EYA4: variants seen among roughly 807,000 people sequenced by gnomAD.
EYA4 encodes the protein protein phosphatase EYA4.
Under a neutral mutation model 87.9 loss-of-function variants are expected in EYA4, and 31 were observed. The ratio of observed to expected loss-of-function variants is 0.35; its 90% CI spans 0.27 to 0.48. The LOEUF is 0.48. Among genes scored for constraint, EYA4 ranks in the 20% least tolerant of loss-of-function variants. The pLI is 0.99. For missense variants in EYA4, 678 were observed against 761.4 expected (o/e 0.89, Z 1.29); for synonymous variants, 263 against 270.6 (o/e 0.97, Z 0.28).
intron 3 of EYA4, among the ~76,000 whole-genome samples, chr6:133,396,023 T>C (rs2128504745): frequency 6.6e-6 from 1 of 152,328 alleles, no homozygotes; most frequent in South Asian, 2.1e-4. Context: ...CCCCCTTCTT[T>C]TCTCCCTTCC....
chr6:133,504,837 G>A (rs1234207795), intron 13 of EYA4, among the ~76,000 whole-genome samples: 1 of 152,140 alleles, frequency 6.6e-6, no homozygotes, highest in Non-Finnish European at 1.5e-5. Flanking sequence ...AGTAAAGTTT[G>A]CATTACATTT....
intron 3 of EYA4, among the ~76,000 whole-genome samples, chr6:133,420,175 A>G (rs571724565): frequency 1.3e-5 from 2 of 152,254 alleles, no homozygotes; most frequent in African/African-American, 4.8e-5. Context: ...GAAATTTCCC[A>G]TTATTAAGAG....
intron 3 of EYA4, among the ~76,000 whole-genome samples, chr6:133,423,003 T>G (rs781673905): frequency 6.6e-6 from 1 of 152,162 alleles, no homozygotes; most frequent in African/African-American, 2.4e-5. Flanking sequence ...AGAGATGTGT[T>G]TTCAGATGGC....
intron 2 of EYA4, among the ~76,000 whole-genome samples, chr6:133,332,174 G>A (rs1782016612): frequency 6.6e-6 from 1 of 152,178 alleles, no homozygotes; most frequent in South Asian, 2.1e-4. Flanking sequence ...TGCCTGAATG[G>A]AAGATGGCCA....
intron 2 of EYA4, among the ~76,000 whole-genome samples, chr6:133,318,535 G>A (rs935511276): frequency 1.3e-5 from 2 of 151,930 alleles, no homozygotes; most frequent in East Asian, 3.9e-4. Context: ...GATAAAACTT[G>A]AGGTTGGTTT....
At chr6:133,269,077 G>T (rs1776468636) in intron 1 of EYA4, among the ~76,000 whole-genome samples, 1 of 152,094 alleles carries the variant, frequency 6.6e-6, no homozygotes, top group Non-Finnish European at 1.5e-5. Flanking sequence ...TGGCCAACAT[G>T]GTGAGACCCT....
intron 13 of EYA4, among the ~76,000 whole-genome samples, chr6:133,484,483 TA>T (rs1796520614): frequency 6.6e-6 from 1 of 152,248 alleles, no homozygotes; most frequent in Admixed American, 6.5e-5. Context: ...TGGATATTTC[TA>T]AACAGATGTG....
chr6:133,482,656 A>C (rs1796316263), intron 12 of EYA4, among the ~76,000 whole-genome samples: 1 of 152,184 alleles, frequency 6.6e-6, no homozygotes, highest in Non-Finnish European at 1.5e-5. Context: ...ATTTCTTTAA[A>C]ATCTAATTCT....
intron 2 of EYA4, among the ~76,000 whole-genome samples, chr6:133,381,011 C>G (rs1786157810): frequency 6.7e-6 from 1 of 149,766 alleles, no homozygotes; most frequent in African/African-American, 2.5e-5. Context: ...TTCCTCATCC[C>G]CTCCTCCTTC....
chr6:133,404,820 C>T (rs1788562625), intron 3 of EYA4, among the ~76,000 whole-genome samples: 1 of 152,198 alleles, frequency 6.6e-6, no homozygotes, highest in Non-Finnish European at 1.5e-5. Context: ...AAGTGGATTG[C>T]TTGTATCCAG....
chr6:133,498,640 G>A (rs1797837433), intron 13 of EYA4, among the ~76,000 whole-genome samples: 2 of 152,148 alleles, frequency 1.3e-5, no homozygotes, highest in South Asian at 4.1e-4. Flanking sequence ...TAAAAGGAAT[G>A]ATTACAGAAT....
At chr6:133,494,632 G>A (rs1185658502) in intron 13 of EYA4, among the ~76,000 whole-genome samples, 2 of 150,464 alleles carry the variant, frequency 1.3e-5, no homozygotes, top group Admixed American at 6.6e-5. Flanking sequence ...GAGGCCAGGA[G>A]TTGGAGATTA....
chr6:133,343,340 G>T (rs892249460), intron 2 of EYA4, among the ~76,000 whole-genome samples: 48 of 152,198 alleles, frequency 3.2e-4, no homozygotes, highest in Middle Eastern at 3.4e-3. Flanking sequence ...TTACTCATTT[G>T]TTCACACTTT....
intron 3 of EYA4, among the ~76,000 whole-genome samples, chr6:133,440,725 A>G (rs1792191636): frequency 6.6e-6 from 1 of 152,214 alleles, no homozygotes; most frequent in Non-Finnish European, 1.5e-5. Flanking sequence ...CAATAGTACA[A>G]TAATCATTTC....
intron 2 of EYA4, among the ~76,000 whole-genome samples, chr6:133,276,616 C>A (rs1203360056): frequency 1.3e-5 from 2 of 152,108 alleles, no homozygotes; most frequent in Admixed American, 6.6e-5. Context: ...TGCTAGTGAG[C>A]AGTCAGGTTT....
intron 11 of EYA4, among the ~76,000 whole-genome samples, chr6:133,470,009 G>A (rs1319272249): frequency 6.6e-6 from 1 of 150,812 alleles, no homozygotes; most frequent in African/African-American, 2.4e-5. Context: ...CAGATGAGTA[G>A]GTTGCAAAAA....
At chr6:133,506,398 A>G in intron 14 of EYA4, 1 of 476,782 alleles carries the variant, frequency 2.1e-6, no homozygotes, top group Non-Finnish European at 3.8e-6. Context: ...TATGTAGAAC[A>G]AAAATGTCTC....
At position 133,241,572 on chromosome 6, in the gene EYA4, G is replaced by C. The variant is rs1773942811; in HGVS notation, c.-243G>C. 1 of 151,380 alleles carries C rather than the reference G, an allele frequency of 6.6e-6. No individual in the cohort carries two copies. The highest frequency in any genetic ancestry group is 1.5e-5 in the Non-Finnish European group (1 of 68,022). The allele number at this position is 151,380 out of a possible 1,614,324, so 9.4% of individuals were successfully genotyped here. ...TCTCCCTCCGCCCCGCTTCTCCCCC[G>C]CTTGTGTACGCTATTTGTTGTGGGG... On this transcript the variant is annotated 5_prime_UTR_variant, in exon 1 of 20. Transcript: ENST00000355286.
intron 1 of EYA4, chr6:133,247,407 T>C (rs1431560462): frequency 6.6e-6 from 1 of 152,228 alleles, no homozygotes; most frequent in Non-Finnish European, 1.5e-5. Context: ...TTGTTTTTTG[T>C]TGTTTTAATG....
Sources: gnomAD v4.1 joint callset for allele counts (sites outside exome capture counted in the v4.1 genomes callset) on GRCh38, gnomAD v4.1.1 for gene constraint, MANE v1.5 for transcripts, NCBI Gene and HGNC (gene_info 2026-07-23, HGNC 2026-07-21) for gene names.